Variants in CAMKK2 observed in about 807,000 individuals in gnomAD.
The protein encoded by CAMKK2 is calcium/calmodulin dependent protein kinase kinase 2, also known as calcium/calmodulin-dependent protein kinase kinase 2.
In CAMKK2, 30 loss-of-function variants were observed where a neutral mutation model predicts 67.2. The observed-to-expected ratio is 0.45, with a 90% CI of 0.33 to 0.61. CAMKK2 has a LOEUF of 0.61. Among genes scored for constraint, CAMKK2 ranks in the 20% least tolerant of loss-of-function variants. CAMKK2 has a pLI of 0.02. For synonymous variants in CAMKK2, 322 were observed against 326.2 expected (o/e 0.99, Z 0.14); for missense variants, 643 against 802.0 (o/e 0.80, Z 2.39).
chr12:121,271,387 G>A (rs148889525), intron 2 of CAMKK2, among the ~76,000 whole-genome samples: 173 of 150,842 alleles, frequency 1.1e-3, no homozygotes, highest in Middle Eastern at 3.4e-3. Context: ...GAAGCCACTC[G>A]CACCTCTGCC....
Position 121,281,517 on chromosome 12 carries a change from G to GTTCA in CAMKK2, c.-59-6936_-59-6933dup, listed in dbSNP as rs535177251. 9.8e-5 allele frequency among the ~76,000 whole-genome samples: 15 copies of GTTCA among 152,342 alleles called. No individual in the cohort carries two copies. The East Asian group carries it at 1.3e-3, about 14-fold the overall frequency. ...CCCACAGAGGTCCTCAAGGAAATGC[G>GTTCA]TTCATTCATTCATTCATTCATTTGT... On this transcript the variant is annotated intron_variant, in intron 1 of 16. Coordinates refer to ENST00000404169, the MANE Select transcript of CAMKK2 (RefSeq NM_001270485.2).
In CAMKK2 at chr12:121,296,114, C is replaced by T. The variant is rs957662144; in HGVS notation, c.-60+524G>A. On this transcript the variant is annotated intron_variant, in intron 1 of 16. Transcript: ENST00000404169. The surrounding 1 kb of genome is among the most constrained non-coding windows in gnomAD (Gnocchi z 7.1). ...GGCAGACCGAAGACAGCCAAAGGTC[C>T]CCTAGGTCCCCACAACTGCTGGCCT... Among the ~76,000 whole-genome samples the T allele has an allele frequency of 2.6e-5, 4 of 152,172 alleles. No individual in the cohort carries two copies. Among genetic ancestry groups the T allele is most frequent in the African/African-American group, 9.7e-5 (4 of 41,450 alleles).
intron 2 of CAMKK2, among the ~76,000 whole-genome samples, chr12:121,272,708 A>G (rs1896011186): frequency 6.6e-6 from 1 of 150,918 alleles, no homozygotes; most frequent in East Asian, 1.9e-4. Context: ...ACTTAAAAAA[A>G]AAAAAAAAAA....
chr12:121,268,316 T>C (rs1009607408), intron 5 of CAMKK2, among the ~76,000 whole-genome samples: 1 of 151,914 alleles, frequency 6.6e-6, no homozygotes, highest in African/African-American at 2.4e-5. Context: ...TAACACCATG[T>C]TTAACTTTTT....
intron 7 of CAMKK2, 136 bp downstream of exon 7, chr12:121,260,183 T>C (rs1302624094): frequency 1.4e-6 from 1 of 701,944 alleles, no homozygotes; most frequent in South Asian, 2.0e-5. Context: ...TGGCCTCCGG[T>C]GGGGCCAGCT....
chr12:121,262,974 T>G (rs1305596395), intron 6 of CAMKK2, among the ~76,000 whole-genome samples: 1 of 126,470 alleles, frequency 7.9e-6, no homozygotes, highest in Admixed American at 7.7e-5. Context: ...TCAAAAAAAG[T>G]TTTTTTTTTT....
chr12:121,263,433 T>C (rs1304972924), intron 6 of CAMKK2, among the ~76,000 whole-genome samples: 2 of 152,166 alleles, frequency 1.3e-5, no homozygotes, highest in African/African-American at 2.4e-5. Context: ...AAAGTTTTAC[T>C]AGAACACAGC....
At chr12:121,290,732 AATAAAACC>A (rs1899829387) in intron 1 of CAMKK2, among the ~76,000 whole-genome samples, 1 of 152,192 alleles carries the variant, frequency 6.6e-6, no homozygotes, top group Non-Finnish European at 1.5e-5. Context: ...AATGGAACTG[AATAAAACC>A]AAGACTGTCC....
chr12:121,292,376 G>T (rs538719089), intron 1 of CAMKK2, among the ~76,000 whole-genome samples: 4 of 152,046 alleles, frequency 2.6e-5, no homozygotes, highest in African/African-American at 9.7e-5. Flanking sequence ...TGATCTACCC[G>T]CCTCGGCCTC....
chr12:121,295,743 C>A (rs1901017059), intron 1 of CAMKK2, among the ~76,000 whole-genome samples: 1 of 152,204 alleles, frequency 6.6e-6, no homozygotes, highest in South Asian at 2.1e-4. Context: ...ACGCCCTCCC[C>A]AAAGCTCAGC....
chr12:121,297,386 C>G (rs1901486514), upstream of CAMKK2: 1 of 346,478 alleles, frequency 2.9e-6, no homozygotes, highest in African/African-American at 2.1e-5. Context: ...TTGCTCAGGG[C>G]CGGCCCTAAA....
intron 13 of CAMKK2, among the ~76,000 whole-genome samples, chr12:121,249,467 G>T (rs1380213236): frequency 6.6e-6 from 1 of 152,206 alleles, no homozygotes; most frequent in East Asian, 1.9e-4. Context: ...CTTTGGAAAG[G>T]ACCTGAGCTC....
intron 1 of CAMKK2, among the ~76,000 whole-genome samples, chr12:121,275,756 C>T (rs977025601): frequency 2.0e-5 from 3 of 152,012 alleles, no homozygotes; most frequent in East Asian, 1.9e-4. Flanking sequence ...GTGATCAAAA[C>T]GTTTTGAAAC....
At position 121,274,206 on chromosome 12, in the gene CAMKK2, A is replaced by G. The variant is rs1896346135; in HGVS notation, c.321T>C (p.Gly107=). 2 of 1,602,274 alleles carry G rather than the reference A, an allele frequency of 1.2e-6. No individual in the cohort carries two copies. Among genetic ancestry groups the G allele is most frequent in the Non-Finnish European group, 1.7e-6 (2 of 1,172,538 alleles). ...CCAGGCTGCCACCGGCTGCCAGCCC[A>G]CCCTGGGACCGCTCTTGCAGAGACA... is the stretch of plus-strand genomic sequence containing the variant. ...RKLSLQERSQ[G]GLAAGGSLDM... The change falls in exon 2 of 17, where the codon GGT becomes GGC. Residue 107 remains glycine, a synonymous_variant. Coordinates refer to ENST00000404169, the MANE Select transcript of CAMKK2 (RefSeq NM_001270485.2).
At chr12:121,293,536 G>A (rs1447584577) in intron 1 of CAMKK2, among the ~76,000 whole-genome samples, 4 of 152,016 alleles carry the variant, frequency 2.6e-5, no homozygotes, top group Non-Finnish European at 5.9e-5. Flanking sequence ...TGTGGCCCAT[G>A]TTAAAATTTG....
Position 121,239,266 on chromosome 12 carries a change from C to CT in CAMKK2, c.*1432dup, listed in dbSNP as rs1887971306. 6.6e-6 allele frequency: 1 copy of CT among 152,272 alleles called. No individual in the cohort carries two copies. Among genetic ancestry groups the CT allele is most frequent in the African/African-American group, 2.4e-5 (1 of 41,478 alleles). 9.4% of individuals were successfully genotyped at this position (152,272 alleles called of 1,614,324 possible). On this transcript the variant is annotated 3_prime_UTR_variant, in exon 17 of 17. Coordinates refer to ENST00000404169, the MANE Select transcript of CAMKK2 (RefSeq NM_001270485.2). Reference sequence around the variant, plus strand: ...AGCGCTGGAAAGCAGAGCTGGGAATCTCCCAAGGCAGAGTCCTTCCAGCTT... The same window carrying CT: ...AGCGCTGGAAAGCAGAGCTGGGAATCTTCCCAAGGCAGAGTCCTTCCAGCTT...
chr12:121,260,394 C>CG, intron 6 of CAMKK2, 39 bp from the exon 7 acceptor site: 1 of 1,596,656 alleles, frequency 6.3e-7, no homozygotes, highest in Non-Finnish European at 8.6e-7. Flanking sequence ...AGACGGATGG[C>CG]GGGGGAGAAA....
intron 5 of CAMKK2, among the ~76,000 whole-genome samples, chr12:121,264,444 C>T (rs1894096654): frequency 6.6e-6 from 1 of 151,974 alleles, no homozygotes; most frequent in Non-Finnish European, 1.5e-5. Flanking sequence ...CAAGACCAGC[C>T]TGGGCAACAC....
rs1889996621 is a variant in CAMKK2, at chr12:121,248,617, A to G, written c.1441T>C (p.Leu481=). The change falls in exon 14 of 17, where the codon TTG becomes CTG. Residue 481 remains leucine (L), a synonymous_variant. Transcript: ENST00000404169. Reference sequence around the variant, plus strand: ...TCCATCCACCTTACCACGGTTGCCAAGCTGGGAATGTGTTTGACTGAGTTC... The same window carrying G: ...TCCATCCACCTTACCACGGTTGCCAGGCTGGGAATGTGTTTGACTGAGTTC... ...VENSVKHIPS[L]ATVILVKTMI... is the part of the protein sequence containing the mutation. The G allele has an allele frequency of 6.2e-7, 1 of 1,614,048 alleles. No homozygotes were observed. The highest frequency in any genetic ancestry group is 1.3e-5 in the African/African-American group (1 of 74,944).
Sources: allele counts gnomAD v4.1 joint callset (sites outside exome capture counted in the v4.1 genomes callset), GRCh38; gene constraint gnomAD v4.1.1; non-coding constraint Gnocchi (gnomAD v3.1); transcripts MANE v1.5; gene names NCBI Gene and HGNC (gene_info 2026-07-23, HGNC 2026-07-21).